COPE: variants seen among roughly 807,000 people sequenced by gnomAD.
COPE encodes the protein coat protein complex I subunit epsilon.
In COPE, 19 loss-of-function variants were observed where a neutral mutation model predicts 42.1. The observed-to-expected ratio is 0.45, with a 90% CI of 0.31 to 0.66. COPE has a LOEUF of 0.66. COPE is among the 30% of genes least tolerant of loss of function. COPE has a pLI of 0.05. For synonymous variants in COPE, 195 were observed against 181.3 expected (o/e 1.08, Z -0.60); for missense variants, 402 against 416.1 (o/e 0.97, Z 0.30).
intron 2 of COPE, among the ~76,000 whole-genome samples, chr19:18,912,216 G>A (rs572683161): frequency 1.5e-4 from 23 of 151,646 alleles, no homozygotes; most frequent in South Asian, 6.3e-4. Context: ...GCGTGATCAC[G>A]GCTCACTGTA....
rs374419965 is a variant in COPE, at chr19:18,910,953, C to A, written c.290+18G>T. On this transcript the variant is annotated intron_variant, in intron 3 of 9. Transcript: ENST00000262812. Reference sequence around the variant, plus strand: ...GATGGCCCCGCGCCTCAGGCCAACCCATTCTCTGGGGCCTCACCTCCGACT... The same window carrying A: ...GATGGCCCCGCGCCTCAGGCCAACCAATTCTCTGGGGCCTCACCTCCGACT... The A allele has an allele frequency of 6.2e-7, 1 of 1,612,214 alleles. No homozygotes were observed. Among genetic ancestry groups the A allele is most frequent in the African/African-American group, 1.3e-5 (1 of 75,034 alleles).
chr19:18,903,446 T>C (rs200033997), intron 6 of COPE, 23 bp from the exon 7 acceptor site: 155 of 1,585,952 alleles, frequency 9.8e-5, no homozygotes, highest in Middle Eastern at 1.7e-4. Context: ...TCCCGCATCA[T>C]TGCCTGTGCC....
intron 5 of COPE, 133 bp downstream of exon 5, chr19:18,905,443 G>C (rs1188026504): frequency 1.7e-5 from 16 of 923,004 alleles, no homozygotes; most frequent in Non-Finnish European, 2.4e-5. Flanking sequence ...CTGAACGACA[G>C]CAAGCCACCC....
chr19:18,910,632 G>A (rs564662556), intron 3 of COPE: 29 of 290,116 alleles, frequency 1.0e-4, no homozygotes, highest in Middle Eastern at 1.1e-3. Context: ...CCCCCGCTGC[G>A]CCCTGGGCTG....
At chr19:18,908,055 T>C (rs1453444364) in intron 3 of COPE, among the ~76,000 whole-genome samples, 1 of 152,182 alleles carries the variant, frequency 6.6e-6, no homozygotes, top group Non-Finnish European at 1.5e-5. Context: ...CAAAGCTTCC[T>C]GAGGCTCCAG....
rs551626791 is a variant in COPE, at chr19:18,904,456, C to A, written c.579+315G>T. Among the ~76,000 whole-genome samples, 5 of 152,340 alleles carry A rather than the reference C, an allele frequency of 3.3e-5. 1 individual carries two copies. In the South Asian group the frequency reaches 6.2e-4, roughly 19 times the overall value. ...AGGACCCTGGAGAGCAAAGCTGAGTCGCAGAAAACCCCAGGAAGCCCTGAG... is the reference window on the plus strand; with the variant it reads ...AGGACCCTGGAGAGCAAAGCTGAGTAGCAGAAAACCCCAGGAAGCCCTGAG... On this transcript the variant is annotated intron_variant, in intron 6 of 9. Coordinates refer to ENST00000262812, the MANE Select transcript of COPE (RefSeq NM_007263.4).
intron 2 of COPE, chr19:18,911,301 A>G (rs913624515): frequency 2.9e-5 from 16 of 556,662 alleles, no homozygotes; most frequent in Non-Finnish European, 2.6e-5. Flanking sequence ...GCCTTGAGCT[A>G]GGGACCCTGG....
intron 1 of COPE, among the ~76,000 whole-genome samples, chr19:18,915,451 C>A (rs2056846457): frequency 6.6e-6 from 1 of 152,228 alleles, no homozygotes; most frequent in Admixed American, 6.5e-5. Flanking sequence ...GGCTCTGGAA[C>A]CGTTGTGGTT....
Position 18,919,256 on chromosome 19 carries a change from G to A in COPE, c.93C>T (p.Tyr31=). The change falls in exon 1 of 10, where the codon TAC becomes TAT. Residue 31 remains tyrosine, a synonymous_variant. Transcript: ENST00000262812. ...GCTGCGCCTCGTTTATGCACTGCTG[G>A]TAGCTGCCGATGTAGAAGGCGTTCT... The part of the protein sequence containing the change: ...DVKNAFYIGS[Y]QQCINEAQRV... The A allele has an allele frequency of 6.2e-7, 1 of 1,613,810 alleles. No individual in the cohort carries two copies. The highest frequency in any genetic ancestry group is 1.3e-5 in the African/African-American group (1 of 75,068).
chr19:18,902,317 G>A (rs1008246485), intron 7 of COPE, among the ~76,000 whole-genome samples: 4 of 151,062 alleles, frequency 2.6e-5, no homozygotes, highest in Non-Finnish European at 4.4e-5. Flanking sequence ...GAACAACCCC[G>A]TCTTTACAAA....
chr19:18,899,928 G>T lies in COPE; in HGVS notation c.824C>A (p.Ser275Tyr). 4 of 1,613,454 alleles carry T rather than the reference G, an allele frequency of 2.5e-6. No homozygotes were observed. Among genetic ancestry groups the T allele is most frequent in the Non-Finnish European group, 3.4e-6 (4 of 1,179,796 alleles). The stretch of plus-strand genomic sequence containing the variant: ...GGACCTGTGGGCATCCTTCAGCTGG[G>T]ACAGGTATCGGTTTGTCACCTGCAG... The part of the protein sequence containing the change: ...KPPEVTNRYL[S>Y]QLKDAHRSHP... The change falls in exon 9 of 10, where the codon TCC becomes TAC. Residue 275 changes from serine (S) to tyrosine (Y), a missense_variant. By Grantham distance (144) the Ser-to-Tyr change is moderately radical. Coordinates refer to ENST00000262812, the MANE Select transcript of COPE (RefSeq NM_007263.4).
At chr19:18,911,166 G>C in intron 2 of COPE, 95 bp from the exon 3 acceptor site, 1 of 1,063,424 alleles carries the variant, frequency 9.4e-7, no homozygotes, top group Non-Finnish European at 1.5e-6. Flanking sequence ...GGAAGTCCCT[G>C]CCCCACCAGG....
chr19:18,899,590 G>T lies in COPE; in HGVS notation c.*89C>A. 1 of 1,414,784 alleles carries T rather than the reference G, an allele frequency of 7.1e-7. No individual in the cohort carries two copies. Among genetic ancestry groups the T allele is most frequent in the Non-Finnish European group, 1.0e-6 (1 of 1,004,362 alleles). The allele number at this position is 1,414,784 out of a possible 1,614,324, so 87.6% of individuals were successfully genotyped here. ...GGGGTGGGCTCCTGCCCCCAGAGGG[G>T]ATGCAGGTGGATGCCGGGTGGGGAG... On this transcript the variant is annotated 3_prime_UTR_variant, in exon 10 of 10. Transcript: ENST00000262812.
intron 7 of COPE, among the ~76,000 whole-genome samples, chr19:18,901,317 T>C (rs1244305473): frequency 6.6e-6 from 1 of 152,214 alleles, no homozygotes; most frequent in Admixed American, 6.5e-5. Context: ...GATGCGGCCA[T>C]GAACACAACA....
chr19:18,900,973 G>A (rs774892301), intron 7 of COPE, among the ~76,000 whole-genome samples: 8 of 152,190 alleles, frequency 5.3e-5, no homozygotes, highest in Non-Finnish European at 1.0e-4. Context: ...ACGAGGATGC[G>A]CCCAGAGCCC....
At chr19:18,902,763 GGAAGGGAAA>G (rs1488293238) in intron 7 of COPE, among the ~76,000 whole-genome samples, 1 of 45,308 alleles carries the variant, frequency 2.2e-5, no homozygotes. Flanking sequence ...AAGGAAGGAA[GGAAGGGAAA>G]GAAGGAAGGA....
intron 1 of COPE, among the ~76,000 whole-genome samples, chr19:18,913,945 T>G (rs2056832740): frequency 6.6e-6 from 1 of 151,900 alleles, no homozygotes; most frequent in South Asian, 2.1e-4. Context: ...CCAAGCCACA[T>G]CTCTTCCTTC....
chr19:18,914,482 A>G (rs2056837365), intron 1 of COPE, among the ~76,000 whole-genome samples: 1 of 151,984 alleles, frequency 6.6e-6, no homozygotes, highest in Admixed American at 6.6e-5. Flanking sequence ...TAGAGGCTGT[A>G]GTAAGCCGAG....
intron 3 of COPE, among the ~76,000 whole-genome samples, chr19:18,910,223 G>A (rs898850361): frequency 2.0e-5 from 3 of 152,226 alleles, no homozygotes; most frequent in Non-Finnish European, 2.9e-5. Context: ...TTTGACCAAC[G>A]CTGGCCTGTG....
Sources: allele counts gnomAD v4.1 joint callset (sites outside exome capture counted in the v4.1 genomes callset), GRCh38; gene constraint gnomAD v4.1.1; transcripts MANE v1.5; gene names NCBI Gene and HGNC (gene_info 2026-07-23, HGNC 2026-07-21).